MDGA2: variants seen among roughly 807,000 people sequenced by gnomAD.
MDGA2 encodes the protein MAM domain-containing glycosylphosphatidylinositol anchor protein 2.
A neutral mutation model predicts 117.8 loss-of-function variants in MDGA2; 40 were observed. The observed-to-expected ratio is 0.34, with a 90% CI of 0.26 to 0.44. MDGA2 has a LOEUF of 0.44. Ranked by LOEUF, MDGA2 falls within the 20% of genes least tolerant of loss-of-function variation. MDGA2 has a pLI of 1.00. For missense variants in MDGA2, 1,123 were observed against 1,250.6 expected, an observed-to-expected ratio of 0.90 and a Z score of 1.54; for synonymous variants, 452 against 439.0, an observed-to-expected ratio of 1.03 and a Z score of -0.37.
At position 47,408,673 on chromosome 14, in the gene MDGA2, G is replaced by A. The variant is rs1018722382; in HGVS notation, c.281-107123C>T. 5.3e-5 allele frequency among the ~76,000 whole-genome samples: 8 copies of A among 152,282 alleles called. No homozygotes were observed. In the East Asian group the frequency reaches 1.2e-3, roughly 22 times the overall value. Reference sequence around the variant, plus strand: ...TTCTCCAAGCTGCCTCTATATTTGTGTAATTTGTCCTCAGATCAGTAGAAA... The same window carrying A: ...TTCTCCAAGCTGCCTCTATATTTGTATAATTTGTCCTCAGATCAGTAGAAA... On this transcript the variant is annotated intron_variant, in intron 1 of 16. Coordinates refer to ENST00000399232, the MANE Select transcript of MDGA2 (RefSeq NM_001113498.3).
intron 1 of MDGA2, among the ~76,000 whole-genome samples, chr14:47,389,912 T>A (rs1225732701): frequency 6.6e-6 from 1 of 152,174 alleles, no homozygotes; most frequent in African/African-American, 2.4e-5. Flanking sequence ...GCCATTTAAC[T>A]ATTTAGTGGT....
intron 1 of MDGA2, among the ~76,000 whole-genome samples, chr14:47,664,304 T>C (rs1330524144): frequency 6.6e-6 from 1 of 152,202 alleles, no homozygotes; most frequent in Non-Finnish European, 1.5e-5. Context: ...TTACTTGGTC[T>C]CTGTTACCTT....
intron 1 of MDGA2, among the ~76,000 whole-genome samples, chr14:47,447,592 G>T (rs1369816497): frequency 6.6e-6 from 1 of 152,078 alleles, no homozygotes; most frequent in Non-Finnish European, 1.5e-5. Flanking sequence ...CATTCTATGG[G>T]GGCATACAGT....
chr14:46,913,767 C>A (rs1883795426), intron 10 of MDGA2, among the ~76,000 whole-genome samples: 1 of 152,130 alleles, frequency 6.6e-6, no homozygotes, highest in African/African-American at 2.4e-5. Context: ...GTACTAACTG[C>A]CCCCATCGAT....
intron 14 of MDGA2, among the ~76,000 whole-genome samples, chr14:46,869,740 G>T (rs536812828): frequency 6.6e-6 from 1 of 151,976 alleles, no homozygotes; most frequent in South Asian, 2.1e-4. Flanking sequence ...GTTAGGTTAT[G>T]AAAAATCCTG....
At chr14:47,342,984 C>T in intron 1 of MDGA2, 1 of 983,590 alleles carries the variant, frequency 1.0e-6, no homozygotes, top group Non-Finnish European at 1.4e-6. Flanking sequence ...GGCAGCTTTG[C>T]CTGGCAGAAT....
chr14:47,548,613 T>C (rs564061662), intron 1 of MDGA2, among the ~76,000 whole-genome samples: 6 of 152,268 alleles, frequency 3.9e-5, no homozygotes, highest in South Asian at 4.1e-4. Context: ...TCTGTGTGTA[T>C]TGGAGGTGTG....
intron 1 of MDGA2, among the ~76,000 whole-genome samples, chr14:47,332,246 C>G (rs1039781618): frequency 6.6e-6 from 1 of 152,006 alleles, no homozygotes; most frequent in African/African-American, 2.4e-5. Flanking sequence ...AAGTTTCCCT[C>G]AAGCTCTCAA....
chr14:47,515,046 A>G (rs1423619646), intron 1 of MDGA2, among the ~76,000 whole-genome samples: 2 of 152,196 alleles, frequency 1.3e-5, no homozygotes, highest in Non-Finnish European at 2.9e-5. Flanking sequence ...ATTTTCTTAT[A>G]AACTTTACTG....
intron 1 of MDGA2, among the ~76,000 whole-genome samples, chr14:47,565,727 T>C (rs1321906174): frequency 6.6e-6 from 1 of 152,034 alleles, no homozygotes; most frequent in Non-Finnish European, 1.5e-5. Context: ...AGTGGTGGCA[T>C]AGGCAGCCCT....
Position 47,220,994 on chromosome 14 carries a change from C to T in MDGA2, c.421-2799G>A, listed in dbSNP as rs904410013. On this transcript the variant is annotated intron_variant, in intron 2 of 16. Coordinates refer to ENST00000399232, the MANE Select transcript of MDGA2 (RefSeq NM_001113498.3). ...CTAACTCCCAACTAACGAATTGTAT[C>T]TGAGGTCTGGGATTGTGAGAAGATA... Among the ~76,000 whole-genome samples, 6 of 152,124 alleles carry T rather than the reference C, an allele frequency of 3.9e-5. No homozygotes were observed. The East Asian group carries it at 1.2e-3, about 29-fold the overall frequency.
chr14:46,875,907 C>A (rs1420753172), intron 12 of MDGA2, among the ~76,000 whole-genome samples: 1 of 151,456 alleles, frequency 6.6e-6, no homozygotes, highest in Admixed American at 6.6e-5. Flanking sequence ...ATTTTTATAA[C>A]ACTGTTGAAC....
At chr14:46,917,350 T>C (rs182844796) in intron 10 of MDGA2, among the ~76,000 whole-genome samples, 8 of 152,302 alleles carry the variant, frequency 5.3e-5, no homozygotes, top group Admixed American at 5.2e-4. Context: ...TTGCCATAAC[T>C]GTTTGTGCAA....
At chr14:47,061,220 C>T (rs761838214) in intron 7 of MDGA2, 29 bp downstream of exon 7, 2 of 1,562,958 alleles carry the variant, frequency 1.3e-6, no homozygotes, top group African/African-American at 2.7e-5. Flanking sequence ...ATGTGAACAT[C>T]TTTTACATCA....
At position 46,882,050 on chromosome 14, in the gene MDGA2, A is replaced by G. The variant is rs2138390716; in HGVS notation, c.2410T>C (p.Tyr804His). 1.2e-6 allele frequency: 2 copies of G among 1,601,092 alleles called. No individual in the cohort carries two copies. The highest frequency in any genetic ancestry group is 1.1e-5 in the South Asian group (1 of 88,646). Residue 804 changes from tyrosine (Y) to histidine (H), a missense_variant, in exon 11 of 17, where the codon TAT (tyrosine) becomes CAT (histidine). Tyr to His is a moderately conservative substitution (Grantham distance 83). Transcript: ENST00000399232. ...EGDSTIRVIK[Y>H]SAPVNPHLRE... ...TAAATGAAAGGCTACTTACCACTAT[A>G]TTTGATCACACGAATTGTTGAATCT...
chr14:47,374,775 C>T (rs1460442217), intron 1 of MDGA2, among the ~76,000 whole-genome samples: 1 of 151,880 alleles, frequency 6.6e-6, no homozygotes, highest in Non-Finnish European at 1.5e-5. Flanking sequence ...ATATGTGATC[C>T]TTTCTGTTCC....
At chr14:47,207,339 TAGAA>T (rs1179426306) in intron 3 of MDGA2, among the ~76,000 whole-genome samples, 4 of 151,906 alleles carry the variant, frequency 2.6e-5, no homozygotes, top group East Asian at 3.9e-4. Context: ...ATCAAAAACA[TAGAA>T]AGAATGTAAA....
At chr14:47,064,131 GATT>G (rs1159397292) in intron 6 of MDGA2, among the ~76,000 whole-genome samples, 1 of 151,802 alleles carries the variant, frequency 6.6e-6, no homozygotes, top group Admixed American at 6.6e-5. Context: ...TAATACATAA[GATT>G]ATATGTAATA....
chr14:47,110,245 T>C lies in MDGA2; in HGVS notation c.926-13122A>G, dbSNP rs577654691. On this transcript the variant is annotated intron_variant, in intron 5 of 16. Coordinates refer to ENST00000399232, the MANE Select transcript of MDGA2 (RefSeq NM_001113498.3). ...TTATACCATTGAACATTATTTTTAA[T>C]AAACCATGTAACTCAGCCGAATGTT... Among the ~76,000 whole-genome samples, 12 of 152,262 alleles carry C rather than the reference T, an allele frequency of 7.9e-5. No individual in the cohort carries two copies. The South Asian group carries it at 2.5e-3, about 32-fold the overall frequency.
Sources: gnomAD v4.1 joint callset for allele counts (sites outside exome capture counted in the v4.1 genomes callset) on GRCh38, gnomAD v4.1.1 for gene constraint, MANE v1.5 for transcripts, NCBI Gene and HGNC (gene_info 2026-07-23, HGNC 2026-07-21) for gene names.